The following SLIT3 variants were observed in gnomAD, a reference collection of about 807,000 sequenced individuals.
SLIT3 encodes the protein slit guidance ligand 3, also known as slit homolog 3 protein.
Under a neutral mutation model 184.0 loss-of-function variants are expected in SLIT3, and 68 were observed. The ratio of observed to expected loss-of-function variants is 0.37; its 90% CI spans 0.30 to 0.45. The LOEUF (loss-of-function observed/expected upper bound fraction) is 0.45. Among genes scored for constraint, SLIT3 ranks in the 20% least tolerant of loss-of-function variants. The pLI, the probability that SLIT3 is intolerant of heterozygous loss-of-function variation, is 1.00. For missense variants in SLIT3, 1,707 were observed against 2,026.0 expected (o/e 0.84, Z 3.02); for synonymous variants, 831 against 828.6 (o/e 1.00, Z -0.05).
rs538356195 is a variant in SLIT3, at chr5:168,978,708, A to G, written c.414-95372T>C. On this transcript the variant is annotated intron_variant, in intron 4 of 35. Coordinates refer to ENST00000519560, the MANE Select transcript of SLIT3 (RefSeq NM_003062.4). ...TTATTAGAGGAGGGATGACAGATTC[A>G]GACCAGAGCACAAAAGAAAATACAT... is the stretch of plus-strand genomic sequence containing the variant. Among the ~76,000 whole-genome samples, 38 of 152,368 alleles carry G rather than the reference A, an allele frequency of 2.5e-4. No individual in the cohort carries two copies. In the East Asian group the frequency reaches 7.1e-3, roughly 29 times the overall value.
intron 3 of SLIT3, among the ~76,000 whole-genome samples, chr5:169,223,901 T>G (rs1204415867): frequency 6.6e-6 from 1 of 152,088 alleles, no homozygotes; most frequent in African/African-American, 2.4e-5. Flanking sequence ...CTGCAGGCAA[T>G]GGGGAGGGCT....
intron 14 of SLIT3, among the ~76,000 whole-genome samples, chr5:168,771,340 C>T (rs1418111187): frequency 6.6e-6 from 1 of 152,136 alleles, no homozygotes; most frequent in Non-Finnish European, 1.5e-5. Flanking sequence ...AGGAGGTCAT[C>T]CAAGCAGCTG....
At chr5:169,181,417 G>C (rs984715638) in intron 4 of SLIT3, among the ~76,000 whole-genome samples, 1 of 152,102 alleles carries the variant, frequency 6.6e-6, no homozygotes, top group Non-Finnish European at 1.5e-5. Flanking sequence ...TTTCTCTCTA[G>C]ATTGCTACCA....
intron 4 of SLIT3, among the ~76,000 whole-genome samples, chr5:169,159,761 G>A (rs1014023458): frequency 6.6e-6 from 1 of 152,166 alleles, no homozygotes; most frequent in East Asian, 1.9e-4. Flanking sequence ...GGGTGACAGA[G>A]CAAGACTCCG....
chr5:169,193,618 AC>A, intron 3 of SLIT3, 68 bp from the exon 4 acceptor site: 1 of 1,154,066 alleles, frequency 8.7e-7, no homozygotes, highest in Non-Finnish European at 1.3e-6. Flanking sequence ...TTCAGATACC[AC>A]TTTAATCAAT....
At chr5:169,288,486 T>C (rs1044754881) in intron 1 of SLIT3, among the ~76,000 whole-genome samples, 3 of 152,164 alleles carry the variant, frequency 2.0e-5, no homozygotes, top group Non-Finnish European at 4.4e-5. Context: ...ACATCCTTCA[T>C]GGTTCTAGCA....
chr5:169,209,021 T>C (rs1017462135), intron 3 of SLIT3, among the ~76,000 whole-genome samples: 2 of 152,068 alleles, frequency 1.3e-5, no homozygotes, highest in Admixed American at 1.3e-4. Flanking sequence ...AACAGGCAAC[T>C]TACAGAATGG....
intron 1 of SLIT3, among the ~76,000 whole-genome samples, chr5:169,252,502 G>T (rs144720233): frequency 9.9e-5 from 15 of 152,136 alleles, no homozygotes; most frequent in Admixed American, 8.5e-4. Flanking sequence ...TGAATATTCC[G>T]TGTTCACTAA....
At chr5:168,881,402 A>C (rs923496807) in intron 5 of SLIT3, among the ~76,000 whole-genome samples, 3 of 152,252 alleles carry the variant, frequency 2.0e-5, no homozygotes, top group African/African-American at 7.2e-5. Context: ...TCAAAAACAT[A>C]GTCAGCAATT....
At chr5:169,190,055 C>T (rs1291611525) in intron 4 of SLIT3, among the ~76,000 whole-genome samples, 1 of 152,244 alleles carries the variant, frequency 6.6e-6, no homozygotes, top group Admixed American at 6.5e-5. Context: ...TTACTCTCTA[C>T]TATGGGGAAC....
At chr5:168,906,662 T>C (rs1434268869) in intron 4 of SLIT3, among the ~76,000 whole-genome samples, 1 of 152,062 alleles carries the variant, frequency 6.6e-6, no homozygotes, top group Admixed American at 6.6e-5. Context: ...TTTTCCGAAA[T>C]AGAGGAAAAG....
intron 4 of SLIT3, among the ~76,000 whole-genome samples, chr5:169,190,050 C>A (rs767418062): frequency 1.3e-5 from 2 of 152,204 alleles, no homozygotes. Context: ...CAAAATTACT[C>A]TCTACTATGG....
chr5:169,295,320 T>C (rs754369), intron 1 of SLIT3, among the ~76,000 whole-genome samples: 2 of 152,142 alleles, frequency 1.3e-5, no homozygotes, highest in Admixed American at 1.3e-4. Context: ...CCCAATGGGG[T>C]AGAGTCATCA....
rs771746698 is a variant in SLIT3 at position 168,823,279 on chromosome 5, T to G, written c.610A>C (p.Met204Leu). The part of the protein sequence containing the change: ...SRILVTSFNH[M>L]PKIRTLRLHS... Reference sequence around the variant, plus strand: ...ACTCACAGAGTTCGGATCTTCGGCATGTGGTTGAAGCTGGTGACCAGGATG... The same window carrying G: ...ACTCACAGAGTTCGGATCTTCGGCAGGTGGTTGAAGCTGGTGACCAGGATG... Residue 204 changes from methionine (M) to leucine (L), a missense_variant, in exon 7 of 36, where the codon ATG becomes CTG. Met to Leu is a conservative substitution (Grantham distance 15). Coordinates refer to ENST00000519560, the MANE Select transcript of SLIT3 (RefSeq NM_003062.4). The G allele has an allele frequency of 6.2e-7, 1 of 1,613,936 alleles. No homozygotes were observed.
At chr5:169,201,990 GGGAGGCCAAAGCA>G (rs1369332812) in intron 3 of SLIT3, among the ~76,000 whole-genome samples, 128 of 31,446 alleles carry the variant, frequency 4.1e-3, no homozygotes, top group Middle Eastern at 0.017. Flanking sequence ...CTGGCACTTT[GGGAGGCCAAAGCA>G]GGAGGATTGC....
At chr5:169,160,422 G>A (rs570955970) in intron 4 of SLIT3, among the ~76,000 whole-genome samples, 6 of 152,292 alleles carry the variant, frequency 3.9e-5, no homozygotes, top group African/African-American at 1.4e-4. Flanking sequence ...TAAGAAAAAA[G>A]AGACGTGTCC....
intron 4 of SLIT3, among the ~76,000 whole-genome samples, chr5:169,040,093 T>TA (rs1339215351): frequency 1.3e-5 from 2 of 152,198 alleles, no homozygotes; most frequent in Admixed American, 1.3e-4. Flanking sequence ...AACTTGGAAA[T>TA]AAAAAAAGCC....
Position 168,936,477 on chromosome 5 carries a change from C to A in SLIT3, c.414-53141G>T, listed in dbSNP as rs537878410. ...CTCGAACTCCTGACCTCGTGATCCA[C>A]CCGCCTAGGCCTCCCAAAGTGCTGG... On this transcript the variant is annotated intron_variant, in intron 4 of 35. Coordinates refer to ENST00000519560, the MANE Select transcript of SLIT3 (RefSeq NM_003062.4). Among the ~76,000 whole-genome samples, 12 of 152,160 alleles carry A rather than the reference C, an allele frequency of 7.9e-5. No individual in the cohort carries two copies. The South Asian group carries it at 2.1e-3, about 26-fold the overall frequency.
chr5:169,290,516 C>A (rs1344592456), intron 1 of SLIT3, among the ~76,000 whole-genome samples: 3 of 138,642 alleles, frequency 2.2e-5, no homozygotes, highest in African/African-American at 5.5e-5. Flanking sequence ...CTAGTGCATG[C>A]GCTAGGGCAT....
Sources: gnomAD v4.1 joint callset for allele counts (sites outside exome capture counted in the v4.1 genomes callset) on GRCh38, gnomAD v4.1.1 for gene constraint, MANE v1.5 for transcripts, NCBI Gene and HGNC (gene_info 2026-07-23, HGNC 2026-07-21) for gene names.